PPA2: variants seen among roughly 807,000 people sequenced by gnomAD.
PPA2 encodes the protein inorganic pyrophosphatase 2, mitochondrial.
PPA2 carries 48 observed loss-of-function variants against 49.5 expected under a neutral mutation model. That is an observed-to-expected ratio of 0.97 (90% CI 0.77 to 1.23). The LOEUF is 1.23. PPA2 is among the 50% of genes most tolerant of loss of function. PPA2 has a pLI of 0.00. For synonymous variants in PPA2, 131 were observed against 139.9 expected, an observed-to-expected ratio of 0.94 and a Z score of 0.45; for missense variants, 429 against 410.1, an observed-to-expected ratio of 1.05 and a Z score of -0.40.
chr4:105,409,173 T>C (rs1722629936), intron 7 of PPA2, among the ~76,000 whole-genome samples: 1 of 152,206 alleles, frequency 6.6e-6, no homozygotes, highest in African/African-American at 2.4e-5. Context: ...AGACTGTACC[T>C]GGAGGAACTG....
Position 105,386,566 on chromosome 4 carries a change from C to A in PPA2, c.939+1G>T, listed in dbSNP as rs1004904776. 5 of 1,608,756 alleles carry A rather than the reference C, an allele frequency of 3.1e-6. No individual in the cohort carries two copies. Among genetic ancestry groups the A allele is most frequent in the Non-Finnish European group, 4.3e-6 (5 of 1,175,690 alleles). ...GGATGTCTTGGATGTTTGCCCCTTA[C>A]CGATTCAACTAATGATCTTGCTTCC... On this transcript the variant is annotated splice_donor_variant, in intron 10 of 11. Transcript: ENST00000341695. LOFTEE classifies it high-confidence loss of function.
intron 4 of PPA2, chr4:105,448,066 T>C (rs2110303403): frequency 2.4e-6 from 1 of 410,344 alleles, no homozygotes; most frequent in South Asian, 1.8e-5. Context: ...TTTTCTATCA[T>C]GTATATTCAC....
chr4:105,435,342 T>C (rs2110286260), intron 6 of PPA2, among the ~76,000 whole-genome samples: 1 of 152,348 alleles, frequency 6.6e-6, no homozygotes, highest in Non-Finnish European at 1.5e-5. Context: ...AAGGATGATA[T>C]GTGAATTCAT....
At chr4:105,444,454 G>A (rs1384074026) in intron 5 of PPA2, among the ~76,000 whole-genome samples, 1 of 152,138 alleles carries the variant, frequency 6.6e-6, no homozygotes, top group Admixed American at 6.5e-5. Context: ...ATGAAACTTA[G>A]GTAGGCAATG....
chr4:105,467,707 A>G (rs1723363858), intron 1 of PPA2, among the ~76,000 whole-genome samples: 1 of 152,222 alleles, frequency 6.6e-6, no homozygotes, highest in Non-Finnish European at 1.5e-5. Flanking sequence ...AAGTGGACAG[A>G]AGGAATTGTC....
intron 10 of PPA2, among the ~76,000 whole-genome samples, chr4:105,374,775 T>C (rs1733172763): frequency 6.6e-6 from 1 of 152,108 alleles, no homozygotes; most frequent in African/African-American, 2.4e-5. Context: ...GGGAAAAAAA[T>C]AGGTTCCCAA....
chr4:105,455,652 C>T (rs1200406267), intron 2 of PPA2, among the ~76,000 whole-genome samples: 1 of 152,216 alleles, frequency 6.6e-6, no homozygotes, highest in African/African-American at 2.4e-5. Flanking sequence ...TATTATTCTA[C>T]TGCCAGTTCC....
At chr4:105,471,687 C>G (rs1040476839) in intron 1 of PPA2, among the ~76,000 whole-genome samples, 6 of 150,672 alleles carry the variant, frequency 4.0e-5, no homozygotes, top group Non-Finnish European at 7.4e-5. Flanking sequence ...TTCCCCTTAC[C>G]CCATTCGCCC....
chr4:105,386,455 T>C (rs1560606704), intron 10 of PPA2, 112 bp downstream of exon 10: 1 of 854,256 alleles, frequency 1.2e-6, no homozygotes, highest in Non-Finnish European at 1.8e-6. Context: ...CTGTAAACTT[T>C]ATGCTTCTCA....
chr4:105,409,569 AACAG>A (rs907191105), intron 7 of PPA2, among the ~76,000 whole-genome samples: 2 of 152,234 alleles, frequency 1.3e-5, no homozygotes, highest in African/African-American at 4.8e-5. Flanking sequence ...GAACTCTGAG[AACAG>A]ACAGACTGCC....
At chr4:105,385,334 GTCTTT>G (rs10581051) in intron 10 of PPA2, among the ~76,000 whole-genome samples, 18,675 of 151,460 alleles carry the variant, frequency 0.12, 1,187 homozygotes, top group African/African-American at 0.15. Context: ...AGGTTTTTGT[GTCTTT>G]TCTTTAATAC....
intron 9 of PPA2, among the ~76,000 whole-genome samples, chr4:105,387,018 A>C (rs1733711899): frequency 6.6e-6 from 1 of 152,200 alleles, no homozygotes; most frequent in South Asian, 2.1e-4. Context: ...GTGAGGTAAC[A>C]AACATTGTAA....
rs6830348 is a variant in PPA2, at chr4:105,470,187, G to A, written c.157+3707C>T. 6.7e-3 allele frequency among the ~76,000 whole-genome samples: 1,026 copies of A among 152,228 alleles called. 12 individuals carry two copies. Among genetic ancestry groups the A allele is most frequent in the African/African-American group, 0.023 (967 of 41,516 alleles). On this transcript the variant is annotated intron_variant, in intron 1 of 11. Transcript: ENST00000341695. ...TAAAATAAAATTTCAAGTTATTAAC[G>A]AAACAAAACAAACAAAAACACGCAA...
At chr4:105,473,234 C>T (rs1723600854) in intron 1 of PPA2, 1 of 166,244 alleles carries the variant, frequency 6.0e-6, no homozygotes, top group African/African-American at 2.4e-5. Context: ...CCCCCGAAGT[C>T]GCTTAGCCTT....
At chr4:105,381,188 G>A (rs1320801759) in intron 10 of PPA2, among the ~76,000 whole-genome samples, 1 of 151,988 alleles carries the variant, frequency 6.6e-6, no homozygotes, top group Non-Finnish European at 1.5e-5. Flanking sequence ...TTCCTCTTTT[G>A]TGAGCCGTCT....
chr4:105,375,244 TTG>T (rs935618148), intron 10 of PPA2, among the ~76,000 whole-genome samples: 5 of 151,954 alleles, frequency 3.3e-5, no homozygotes, highest in African/African-American at 1.2e-4. Flanking sequence ...TTCACTAACT[TTG>T]TCTACCATCC....
Position 105,386,276 on chromosome 4 carries a change from G to A in PPA2, c.939+291C>T, listed in dbSNP as rs66988826. 0.16 allele frequency among the ~76,000 whole-genome samples: 23,718 copies of A among 152,022 alleles called. 2,253 individuals are homozygous for A. The highest frequency in any genetic ancestry group is 0.27 in the African/African-American group (11,044 of 41,442). On this transcript the variant is annotated intron_variant, in intron 10 of 11. Transcript: ENST00000341695. ...CATGGAGATACAACAGTACAGAGGA[G>A]AGCATATTTATATAAACAATAATAA...
chr4:105,466,295 T>C (rs554855189), intron 1 of PPA2, among the ~76,000 whole-genome samples: 17 of 152,078 alleles, frequency 1.1e-4, no homozygotes, highest in African/African-American at 4.1e-4. Flanking sequence ...AGTAAATATT[T>C]CTTGAATATA....
intron 6 of PPA2, among the ~76,000 whole-genome samples, chr4:105,427,721 G>A (rs533804006): frequency 5.9e-5 from 9 of 152,346 alleles, no homozygotes; most frequent in African/African-American, 1.2e-4. Flanking sequence ...AACTACGTTT[G>A]ATTGGTGTAC....
Sources: allele counts gnomAD v4.1 joint callset (sites outside exome capture counted in the v4.1 genomes callset), GRCh38; gene constraint gnomAD v4.1.1; transcripts MANE v1.5; gene names NCBI Gene and HGNC (gene_info 2026-07-23, HGNC 2026-07-21).